The following MORC1 variants were observed in gnomAD, a reference collection of about 807,000 sequenced individuals.
The protein encoded by MORC1 is MORC family CW-type zinc finger protein 1.
A neutral mutation model predicts 134.9 loss-of-function variants in MORC1; 59 were observed. The ratio of observed to expected loss-of-function variants is 0.44; its 90% CI spans 0.35 to 0.54. The LOEUF (loss-of-function observed/expected upper bound fraction) is 0.54. MORC1 is among the 20% of genes least tolerant of loss of function. The pLI, the probability that MORC1 is intolerant of heterozygous loss-of-function variation, is 0.00. For synonymous variants in MORC1, 395 were observed against 391.7 expected (o/e 1.01, Z -0.10); for missense variants, 947 against 1,134.5 (o/e 0.83, Z 2.37).
chr3:109,015,061 T>C (rs895348961), intron 17 of MORC1, among the ~76,000 whole-genome samples: 1 of 152,098 alleles, frequency 6.6e-6, no homozygotes, highest in Non-Finnish European at 1.5e-5. Flanking sequence ...AATTTGTTCG[T>C]ATTTTTAGTA....
rs187094500 is a variant in MORC1, at chr3:109,091,115, G to A, written c.689+2321C>T. On this transcript the variant is annotated intron_variant, in intron 8 of 27. Transcript: ENST00000232603. ...CACACCATTATCCATAACCTTGTGT[G>A]GTAAACTATGTACCATTTTTTAACA... Among the ~76,000 whole-genome samples the A allele has an allele frequency of 1.2e-4, 19 of 152,152 alleles. No homozygotes were observed. In the East Asian group the frequency reaches 3.5e-3, roughly 28 times the overall value.
At chr3:109,073,402 A>G (rs1950360444) in intron 8 of MORC1, among the ~76,000 whole-genome samples, 1 of 48,770 alleles carries the variant, frequency 2.1e-5, no homozygotes, top group Admixed American at 2.8e-4. Context: ...GATTCCTTTG[A>G]TTCTGCCACT....
intron 6 of MORC1, among the ~76,000 whole-genome samples, chr3:109,095,680 T>C (rs947102986): frequency 6.6e-5 from 10 of 152,190 alleles, no homozygotes; most frequent in African/African-American, 2.2e-4. Context: ...AGTGAAAGTA[T>C]ACTTAGCAGA....
At chr3:108,973,046 T>A (rs1947437787) in intron 24 of MORC1, among the ~76,000 whole-genome samples, 2 of 152,208 alleles carry the variant, frequency 1.3e-5, no homozygotes, top group Non-Finnish European at 2.9e-5. Context: ...CTGAATACTG[T>A]CTTACACATG....
chr3:109,011,241 A>T (rs1241583244), intron 17 of MORC1, among the ~76,000 whole-genome samples: 1 of 152,056 alleles, frequency 6.6e-6, no homozygotes, highest in Admixed American at 6.5e-5. Context: ...AACAAAAAAA[A>T]CCCTGCCAAA....
chr3:109,002,732 A>C (rs186471445), intron 20 of MORC1, among the ~76,000 whole-genome samples: 1 of 152,272 alleles, frequency 6.6e-6, no homozygotes, highest in East Asian at 1.9e-4. Context: ...CGGCCAAAGC[A>C]ATCTTTACTA....
intron 8 of MORC1, among the ~76,000 whole-genome samples, chr3:109,090,703 T>C (rs1355750654): frequency 2.6e-5 from 4 of 151,402 alleles, no homozygotes; most frequent in Admixed American, 2.6e-4. Context: ...ACCTCTTCCC[T>C]GAGGCCAATA....
intron 2 of MORC1, among the ~76,000 whole-genome samples, chr3:109,113,449 A>G (rs1951209787): frequency 6.6e-6 from 1 of 152,202 alleles, no homozygotes; most frequent in Non-Finnish European, 1.5e-5. Flanking sequence ...CAGAAGGGTC[A>G]TCTCCCATCT....
intron 17 of MORC1, among the ~76,000 whole-genome samples, chr3:109,008,546 T>C (rs1167210165): frequency 1.3e-5 from 2 of 151,940 alleles, no homozygotes; most frequent in Non-Finnish European, 2.9e-5. Flanking sequence ...ATTACTAGTA[T>C]GATTGTCTCT....
intron 14 of MORC1, among the ~76,000 whole-genome samples, chr3:109,040,829 C>CAA (rs59122147): frequency 0.097 from 10,422 of 107,306 alleles, 519 homozygotes; most frequent in Non-Finnish European, 0.11. Flanking sequence ...AACTCTGTGT[C>CAA]AAAAAAAAAA....
At chr3:108,977,311 AAAGT>A (rs1254039922) in intron 24 of MORC1, among the ~76,000 whole-genome samples, 1 of 152,232 alleles carries the variant, frequency 6.6e-6, no homozygotes, top group Non-Finnish European at 1.5e-5. Context: ...TAATTTATAA[AAAGT>A]AAGTGGGTGG....
chr3:108,978,286 TG>T (rs1422974849), intron 24 of MORC1, among the ~76,000 whole-genome samples: 1 of 152,132 alleles, frequency 6.6e-6, no homozygotes, highest in Non-Finnish European at 1.5e-5. Context: ...GGATATTTGG[TG>T]GTCAGAACTT....
chr3:109,100,605 C>T, intron 4 of MORC1, 98 bp from the exon 5 acceptor site: 1 of 897,170 alleles, frequency 1.1e-6, no homozygotes, highest in East Asian at 2.5e-5. Context: ...AACATCAGGA[C>T]AAACCCATAG....
intron 21 of MORC1, among the ~76,000 whole-genome samples, chr3:108,992,033 A>AT (rs372657142): frequency 6.6e-6 from 1 of 152,012 alleles, no homozygotes; most frequent in Non-Finnish European, 1.5e-5. Context: ...AATCTGATTA[A>AT]TTTTTTTAAA....
chr3:109,116,623 A>G (rs977127906), intron 1 of MORC1, among the ~76,000 whole-genome samples: 3 of 152,140 alleles, frequency 2.0e-5, no homozygotes, highest in African/African-American at 7.2e-5. Context: ...ATTTTTTTAA[A>G]AAAAGAATTA....
chr3:109,026,485 C>T (rs943279330), intron 17 of MORC1, among the ~76,000 whole-genome samples: 5 of 152,118 alleles, frequency 3.3e-5, no homozygotes, highest in Admixed American at 6.5e-5. Flanking sequence ...AAACAACAAG[C>T]TAATTAAGTC....
intron 14 of MORC1, among the ~76,000 whole-genome samples, chr3:109,038,382 C>A (rs986643216): frequency 6.6e-6 from 1 of 151,744 alleles, no homozygotes; most frequent in African/African-American, 2.4e-5. Context: ...TCCCATTCTG[C>A]AGGTTGCCTG....
rs375849576 is a variant in MORC1 at position 109,005,235 on chromosome 3, C to A, written c.1848G>T (p.Ala616=). The A allele has an allele frequency of 6.2e-7, 1 of 1,613,816 alleles. No homozygotes were observed. The highest frequency in any genetic ancestry group is 1.3e-5 in the African/African-American group (1 of 75,006). The change falls in exon 19 of 28, where the codon GCG becomes GCT. Residue 616 remains alanine (A), a synonymous_variant. Coordinates refer to ENST00000232603, the MANE Select transcript of MORC1 (RefSeq NM_014429.4). ...TGTTTCTTTTCTGTCCTCTACGGCT[C>A]GCTGAAAGCTCAAAGGATGAAAGAG... ...HESLSSFELS[A]SRRGQKRNIE...
chr3:109,115,424 A>C (rs1951250024), intron 1 of MORC1, among the ~76,000 whole-genome samples: 1 of 148,248 alleles, frequency 6.7e-6, no homozygotes, highest in Admixed American at 6.9e-5. Context: ...AAGTCTCATG[A>C]GTCAAGTAAG....
Sources: gnomAD v4.1 joint callset for allele counts (sites outside exome capture counted in the v4.1 genomes callset) on GRCh38, gnomAD v4.1.1 for gene constraint, MANE v1.5 for transcripts, NCBI Gene and HGNC (gene_info 2026-07-23, HGNC 2026-07-21) for gene names.